Variants in CLPB observed in about 807,000 individuals in gnomAD.
The protein encoded by CLPB is ClpB family mitochondrial disaggregase.
CLPB carries 40 observed loss-of-function variants against 78.4 expected under a neutral mutation model. The ratio of observed to expected loss-of-function variants is 0.51; its 90% CI spans 0.40 to 0.66. CLPB has a LOEUF of 0.66. Among genes scored for constraint, CLPB ranks in the 30% least tolerant of loss-of-function variants. CLPB has a pLI of 0.00. For synonymous variants in CLPB, 333 were observed against 348.0 expected (o/e 0.96, Z 0.48); for missense variants, 780 against 886.9 (o/e 0.88, Z 1.53).
At chr11:72,335,612 C>T (rs1056546032) in intron 5 of CLPB, among the ~76,000 whole-genome samples, 4 of 152,220 alleles carry the variant, frequency 2.6e-5, no homozygotes, top group African/African-American at 9.6e-5. Context: ...CCCTTCCACC[C>T]CAGGTTGGGT....
chr11:72,406,756 C>T (rs750368660), intron 2 of CLPB, among the ~76,000 whole-genome samples: 8 of 152,218 alleles, frequency 5.3e-5, no homozygotes, highest in Non-Finnish European at 8.8e-5. Context: ...CACACACCCA[C>T]TCTGTGCCCA....
rs1949872536 is a variant in CLPB at position 72,312,865 on chromosome 11, T to C, written c.988+4241A>G. On this transcript the variant is annotated intron_variant, in intron 7 of 15. Coordinates refer to ENST00000538039, the MANE Select transcript of CLPB (RefSeq NM_001258392.3). The surrounding 1 kb of genome is among the most constrained non-coding windows in gnomAD (Gnocchi z 4.2). Reference sequence around the variant, plus strand: ...AACTGTGGGCTCCAAACGGGATGGGTGCACAGAGGGAAGTATGGGAAGAGC... The same window carrying C: ...AACTGTGGGCTCCAAACGGGATGGGCGCACAGAGGGAAGTATGGGAAGAGC... Among the ~76,000 whole-genome samples the C allele has an allele frequency of 6.6e-6, 1 of 152,108 alleles. No individual in the cohort carries two copies.
chr11:72,415,319 C>A (rs1403246537), intron 2 of CLPB, among the ~76,000 whole-genome samples: 1 of 152,224 alleles, frequency 6.6e-6, no homozygotes, highest in African/African-American at 2.4e-5. Flanking sequence ...ATGCCCAATT[C>A]TTCCCTTCTT....
chr11:72,309,425 T>C (rs1949803900), intron 7 of CLPB, among the ~76,000 whole-genome samples: 2 of 151,818 alleles, frequency 1.3e-5, no homozygotes, highest in African/African-American at 4.8e-5. Flanking sequence ...AGTATACGAG[T>C]GGGGGTGGAG....
At position 72,329,766 on chromosome 11, in the gene CLPB, G is replaced by C; in HGVS notation, c.814C>G (p.Pro272Ala). ...PLQRNEMGHT[P>A]LDYAREGEVM... Reference sequence around the variant, plus strand: ...TCCCCTTCTCGGGCATAATCCAAGGGTGTGTGTCCCATTTCATTCCTCTGC... The same window carrying C: ...TCCCCTTCTCGGGCATAATCCAAGGCTGTGTGTCCCATTTCATTCCTCTGC... The change falls in exon 6 of 16, where the codon CCC becomes GCC. Residue 272 changes from proline (P) to alanine (A), a missense_variant. Physicochemically the swap from Pro to Ala is conservative, Grantham distance 27 (BLOSUM62 -1). Transcript: ENST00000538039. 6.2e-7 allele frequency: 1 copy of C among 1,613,952 alleles called. No homozygotes were observed. Among genetic ancestry groups the C allele is most frequent in the South Asian group, 1.1e-5 (1 of 91,074 alleles).
At chr11:72,388,498 G>A (rs1294541112) in intron 3 of CLPB, among the ~76,000 whole-genome samples, 4 of 151,998 alleles carry the variant, frequency 2.6e-5, no homozygotes, top group African/African-American at 7.3e-5. Context: ...TGATCCGCCC[G>A]CTTCAGCCTC....
rs563589110 is a variant in CLPB at position 72,291,689 on chromosome 11, T to C, written c.*1678A>G. 4.3e-4 allele frequency: 65 copies of C among 152,198 alleles called. No individual in the cohort carries two copies. The highest frequency in any genetic ancestry group is 1.4e-3 in the African/African-American group (59 of 41,544). The allele number at this position is 152,198 out of a possible 1,614,324, so 9.4% of individuals were successfully genotyped here. Reference sequence around the variant, plus strand: ...TGCTAGATGAAAGATACATGGGAATTTTCTACTATTTCTGCAACTTTCTCT... The same window carrying C: ...TGCTAGATGAAAGATACATGGGAATCTTCTACTATTTCTGCAACTTTCTCT... On this transcript the variant is annotated 3_prime_UTR_variant, in exon 16 of 16. Transcript: ENST00000538039.
chr11:72,358,851 C>G (rs752148896), intron 5 of CLPB, 29 bp downstream of exon 5: 1 of 1,177,134 alleles, frequency 8.5e-7, no homozygotes, highest in South Asian at 1.6e-5. Flanking sequence ...ACTTCCCCCA[C>G]CCCACCCCTC....
At chr11:72,390,453 G>GA (rs1329085745) in intron 3 of CLPB, among the ~76,000 whole-genome samples, 904 of 69,578 alleles carry the variant, frequency 0.013, 11 homozygotes, top group African/African-American at 0.042. Flanking sequence ...AAACGAAATA[G>GA]AAAAAAAAAA....
chr11:72,404,669 C>T (rs1046798763), intron 2 of CLPB, among the ~76,000 whole-genome samples: 5 of 152,036 alleles, frequency 3.3e-5, no homozygotes, highest in African/African-American at 1.2e-4. Flanking sequence ...GGGGAACTGG[C>T]CAAACAAAAG....
In CLPB at chr11:72,302,041, T is replaced by C. The variant is rs147658207; in HGVS notation, c.1168-77A>G. ...CCAACATGGGGCATGCATGGGAAGA[T>C]GACTTTATACGCTATTAAGGTTGCC... is the stretch of plus-strand genomic sequence containing the variant. On this transcript the variant is annotated intron_variant, in intron 10 of 15. Coordinates refer to ENST00000538039, the MANE Select transcript of CLPB (RefSeq NM_001258392.3). 5 of 1,520,460 alleles carry C rather than the reference T, an allele frequency of 3.3e-6. No individual in the cohort carries two copies. The East Asian group carries it at 9.0e-5, about 27-fold the overall frequency. 94.2% of individuals were successfully genotyped at this position (1,520,460 alleles called of 1,614,324 possible).
At chr11:72,396,873 A>C (rs1414681255) in intron 3 of CLPB, among the ~76,000 whole-genome samples, 3 of 152,244 alleles carry the variant, frequency 2.0e-5, no homozygotes, top group Non-Finnish European at 4.4e-5. Flanking sequence ...AATAATGAAA[A>C]TTAGAGAGGG....
intron 1 of CLPB, among the ~76,000 whole-genome samples, chr11:72,433,049 C>T (rs1240767878): frequency 6.6e-6 from 1 of 152,170 alleles, no homozygotes; most frequent in African/African-American, 2.4e-5. Flanking sequence ...AAATGAGATG[C>T]TAATCGGGAT....
intron 9 of CLPB, 39 bp from the exon 10 acceptor site, chr11:72,302,387 C>G: frequency 6.2e-7 from 1 of 1,603,272 alleles, no homozygotes; most frequent in Non-Finnish European, 8.5e-7. Flanking sequence ...CGTTTGGAGG[C>G]AGGAAAGTGA....
chr11:72,412,780 G>A (rs1392560428), intron 2 of CLPB, among the ~76,000 whole-genome samples: 1 of 152,196 alleles, frequency 6.6e-6, no homozygotes, highest in Admixed American at 6.5e-5. Flanking sequence ...GTTTGTTGAG[G>A]CACACAGTGG....
intron 4 of CLPB, among the ~76,000 whole-genome samples, chr11:72,361,444 A>G (rs1950836477): frequency 6.6e-6 from 1 of 152,216 alleles, no homozygotes; most frequent in Admixed American, 6.5e-5. Context: ...CAGTCTTATC[A>G]AATCATGCTA....
chr11:72,410,007 T>A lies in CLPB; in HGVS notation c.456-6955A>T, dbSNP rs573569686. Among the ~76,000 whole-genome samples, 8 of 150,398 alleles carry A rather than the reference T, an allele frequency of 5.3e-5. 1 individual carries two copies. In the East Asian group the frequency reaches 1.6e-3, roughly 29 times the overall value. On this transcript the variant is annotated intron_variant, in intron 2 of 15. Transcript: ENST00000538039. ...AAAAATCCAGGCTCTGGCGGGTGGA[T>A]CACCTGAGGTCAGGAGTTTGAGACC...
chr11:72,369,802 T>A (rs935039045), intron 4 of CLPB, among the ~76,000 whole-genome samples: 1 of 152,150 alleles, frequency 6.6e-6, no homozygotes, highest in Admixed American at 6.5e-5. Flanking sequence ...TGTCTACATA[T>A]ATATTTATTT....
chr11:72,294,718 T>C (rs931060951), intron 12 of CLPB, 25 bp from the exon 13 acceptor site: 3 of 1,597,622 alleles, frequency 1.9e-6, no homozygotes, highest in African/African-American at 1.3e-5. Flanking sequence ...CATAAACTGC[T>C]TATTCCCCAC....
Sources: allele counts gnomAD v4.1 joint callset (sites outside exome capture counted in the v4.1 genomes callset), GRCh38; gene constraint gnomAD v4.1.1; non-coding constraint Gnocchi (gnomAD v3.1); transcripts MANE v1.5; gene names NCBI Gene and HGNC (gene_info 2026-07-23, HGNC 2026-07-21).